ARPC4: variants seen among roughly 807,000 people sequenced by gnomAD.
The protein encoded by ARPC4 is actin related protein 2/3 complex subunit 4.
Under a neutral mutation model 22.8 loss-of-function variants are expected in ARPC4, and 3 were observed. That is an observed-to-expected ratio of 0.13 (90% CI 0.06 to 0.34). The LOEUF (loss-of-function observed/expected upper bound fraction) is 0.34, where lower values mean the gene tolerates loss of function less well. ARPC4 is among the 10% of genes least tolerant of loss of function. The pLI is 1.00. For missense variants in ARPC4, 98 were observed against 211.0 expected (o/e 0.46, Z 3.32); for synonymous variants, 80 against 72.5 (o/e 1.10, Z -0.52).
intron 5 of ARPC4, 51 bp from the exon 6 acceptor site, chr3:9,806,159 A>G (rs760975404): frequency 1.1e-5 from 18 of 1,607,066 alleles, no homozygotes; most frequent in Non-Finnish European, 1.4e-5. Context: ...GAGCAGTGCC[A>G]CCAGGATGCA....
chr3:9,792,617 C>T (rs1450427626), upstream of ARPC4: 1 of 1,230,354 alleles, frequency 8.1e-7, no homozygotes, highest in Non-Finnish European at 1.0e-6. Flanking sequence ...CTCAGGCGAG[C>T]CCCGGGGCAC....
At position 9,793,102 on chromosome 3, in the gene ARPC4, C is replaced by T. The variant is rs746930904; in HGVS notation, c.-20C>T. ...TGGCCACTTCCGTACTTCCGCTTTCCGGCCCAGCCAGCGCCCGCGATGGTG... is the reference window on the plus strand; with the variant it reads ...TGGCCACTTCCGTACTTCCGCTTTCTGGCCCAGCCAGCGCCCGCGATGGTG... On this transcript the variant is annotated 5_prime_UTR_variant, in exon 1 of 6. Coordinates refer to ENST00000397261, the MANE Select transcript of ARPC4 (RefSeq NM_005718.5). The T allele has an allele frequency of 2.5e-5, 39 of 1,544,486 alleles. No homozygotes were observed. In the East Asian group the frequency reaches 7.1e-4, roughly 28 times the overall value.
chr3:9,804,447 C>T (rs2079069811), intron 5 of ARPC4, among the ~76,000 whole-genome samples: 1 of 152,188 alleles, frequency 6.6e-6, no homozygotes, highest in Non-Finnish European at 1.5e-5. Flanking sequence ...AGGCTTAAAT[C>T]ATGATTCCTT....
At chr3:9,805,747 C>G (rs3821779) in intron 5 of ARPC4, among the ~76,000 whole-genome samples, 26,872 of 152,180 alleles carry the variant, frequency 0.18, 2,630 homozygotes, top group African/African-American at 0.24. Flanking sequence ...ATGGGGGACC[C>G]TTGAGGGCAG....
intron 2 of ARPC4, 111 bp downstream of exon 2, chr3:9,797,888 G>A (rs1426198720): frequency 1.7e-6 from 2 of 1,152,138 alleles, no homozygotes; most frequent in Non-Finnish European, 2.4e-6. Context: ...AGCTGCAGTT[G>A]ACATTTTGTC....
intron 4 of ARPC4, 56 bp from the exon 5 acceptor site, chr3:9,803,787 G>T: frequency 6.4e-7 from 1 of 1,554,908 alleles, no homozygotes; most frequent in Non-Finnish European, 8.8e-7. Context: ...GTTCCCATGG[G>T]GTGCTAATTC....
chr3:9,794,569 C>T (rs1310565524), intron 1 of ARPC4, among the ~76,000 whole-genome samples: 1 of 152,042 alleles, frequency 6.6e-6, no homozygotes, highest in Non-Finnish European at 1.5e-5. Flanking sequence ...GCTCAGGACA[C>T]TGAGGCAGGA....
At chr3:9,793,061 G>C, upstream of ARPC4, 2 of 1,544,996 alleles carry the variant, frequency 1.3e-6, no homozygotes, top group Non-Finnish European at 1.7e-6. Context: ...TCGCGAAAGG[G>C]CAGGCATCGC....
intron 2 of ARPC4, 39 bp downstream of exon 2, chr3:9,797,816 GCA>G: frequency 6.3e-7 from 1 of 1,596,802 alleles, no homozygotes; most frequent in Non-Finnish European, 8.6e-7. Context: ...GAGGGGTGCA[GCA>G]CACAGAGATG....
intron 1 of ARPC4, among the ~76,000 whole-genome samples, chr3:9,793,741 A>T (rs1304179216): frequency 6.7e-6 from 1 of 150,020 alleles, no homozygotes; most frequent in Non-Finnish European, 1.5e-5. Context: ...TTTTTCATAC[A>T]TGTGGGCCTT....
chr3:9,802,820 C>T (rs527778171), intron 4 of ARPC4, among the ~76,000 whole-genome samples: 24 of 152,034 alleles, frequency 1.6e-4, no homozygotes, highest in African/African-American at 4.1e-4. Context: ...ATTATAGGCA[C>T]GCATGTGCTA....
In ARPC4 at chr3:9,806,142, C is replaced by T. The variant is rs917130761; in HGVS notation, c.502-68C>T. ...AGTGGCAGCTCTCAGGTTCATGCAC[C>T]TCCTTAGAGCAGTGCCACCAGGATG... is the stretch of plus-strand genomic sequence containing the variant. On this transcript the variant is annotated intron_variant, in intron 5 of 5. Coordinates refer to ENST00000397261, the MANE Select transcript of ARPC4 (RefSeq NM_005718.5). 7.6e-6 allele frequency: 12 copies of T among 1,569,708 alleles called. No individual in the cohort carries two copies. The South Asian group carries it at 1.0e-4, about 13-fold the overall frequency.
chr3:9,796,890 G>A (rs527498078), intron 1 of ARPC4, among the ~76,000 whole-genome samples: 35 of 141,234 alleles, frequency 2.5e-4, no homozygotes, highest in South Asian at 6.5e-4. Flanking sequence ...GCAGTGAGCC[G>A]AGATCGTGCC....
intron 1 of ARPC4, 134 bp downstream of exon 1, chr3:9,793,258 TG>T (rs1327945372): frequency 4.2e-5 from 58 of 1,366,606 alleles, no homozygotes; most frequent in Non-Finnish European, 5.0e-5. Flanking sequence ...ACGATGAGGG[TG>T]GGAAAAAGAG....
At position 9,806,324 on chromosome 3, in the gene ARPC4, G is replaced by C; in HGVS notation, c.*109G>C. The C allele has an allele frequency of 7.5e-7, 1 of 1,331,050 alleles. No homozygotes were observed. The highest frequency in any genetic ancestry group is 1.7e-5 in the Admixed American group (1 of 59,540). The allele number at this position is 1,331,050 out of a possible 1,614,324, so 82.5% of individuals were successfully genotyped here. On this transcript the variant is annotated 3_prime_UTR_variant, in exon 6 of 6. Transcript: ENST00000397261. ...GCGGCGGCGGCAGGGAGTTGGGTTG[G>C]GGTGGGCATTTGATGCGGGAGGTGG...
chr3:9,800,774 A>ATTAAATGCAGACTACACAC (rs1279936911), intron 3 of ARPC4, among the ~76,000 whole-genome samples: 1 of 152,196 alleles, frequency 6.6e-6, no homozygotes, highest in African/African-American at 2.4e-5. Context: ...AAGCACTGTT[A>ATTAAATGCAGACTACACAC]TTAAATGCAG....
chr3:9,801,615 C>G (rs559259643), intron 3 of ARPC4, 46 bp from the exon 4 acceptor site: 13 of 1,547,544 alleles, frequency 8.4e-6, no homozygotes, highest in Non-Finnish European at 1.1e-5. Flanking sequence ...TGTTTTTGGC[C>G]TTGGGTGTCA....
chr3:9,793,541 T>C (rs962756874), intron 1 of ARPC4, among the ~76,000 whole-genome samples: 33 of 152,312 alleles, frequency 2.2e-4, no homozygotes, highest in Middle Eastern at 3.4e-3. Context: ...TTCCTGACCC[T>C]ACAGTTGCTT....
Position 9,806,306 on chromosome 3 carries a change from C to T in ARPC4, c.*91C>T, listed in dbSNP as rs375258274. Reference sequence around the variant, plus strand: ...AGTCACTCCCCGAGCAGCGCGGCGGCGGCAGGGAGTTGGGTTGGGGTGGGC... The same window carrying T: ...AGTCACTCCCCGAGCAGCGCGGCGGTGGCAGGGAGTTGGGTTGGGGTGGGC... On this transcript the variant is annotated 3_prime_UTR_variant, in exon 6 of 6. Transcript: ENST00000397261. 8.8e-6 allele frequency: 13 copies of T among 1,473,356 alleles called. No individual in the cohort carries two copies. The highest frequency in any genetic ancestry group is 6.8e-5 in the East Asian group (3 of 44,160). The allele number at this position is 1,473,356 out of a possible 1,614,324, so 91.3% of individuals were successfully genotyped here. A position where few individuals can be genotyped will look rare whatever the true frequency, so the allele number is the denominator to read the frequency against.
Sources: gnomAD v4.1 joint callset for allele counts (sites outside exome capture counted in the v4.1 genomes callset) on GRCh38, gnomAD v4.1.1 for gene constraint, MANE v1.5 for transcripts, NCBI Gene and HGNC (gene_info 2026-07-23, HGNC 2026-07-21) for gene names.